PRDM1: variants seen among roughly 807,000 people sequenced by gnomAD.
The protein encoded by PRDM1 is PR/SET domain 1.
A neutral mutation model predicts 62.8 loss-of-function variants in PRDM1; 13 were observed. The ratio of observed to expected loss-of-function variants is 0.21; its 90% CI spans 0.13 to 0.33. PRDM1 has a LOEUF of 0.33. Ranked by LOEUF, PRDM1 falls within the 10% of genes least tolerant of loss-of-function variation. The pLI is 1.00. For synonymous variants in PRDM1, 396 were observed against 417.6 expected, an observed-to-expected ratio of 0.95 and a Z score of 0.63; for missense variants, 895 against 1,058.8, an observed-to-expected ratio of 0.85 and a Z score of 2.15.
chr6:106,079,974 GC>G (rs1185215074), intron 1 of PRDM1, among the ~76,000 whole-genome samples: 3 of 152,216 alleles, frequency 2.0e-5, no homozygotes, highest in African/African-American at 7.2e-5. Context: ...ACACCCAGGG[GC>G]CAAGATTGAA....
intron 2 of PRDM1, among the ~76,000 whole-genome samples, chr6:106,093,978 AT>A (rs1362929338): frequency 6.6e-6 from 1 of 152,196 alleles, no homozygotes; most frequent in Non-Finnish European, 1.5e-5. Context: ...AGAAAAAAAA[AT>A]CATTGGCTGA....
intron 1 of PRDM1, among the ~76,000 whole-genome samples, chr6:106,021,512 A>G (rs1444160917): frequency 3.3e-5 from 5 of 152,240 alleles, no homozygotes; most frequent in Non-Finnish European, 5.9e-5. Flanking sequence ...CTTAGGGCAA[A>G]GAAGAAGCTT....
chr6:106,088,681 G>T (rs1773881828), intron 2 of PRDM1, among the ~76,000 whole-genome samples: 1 of 151,980 alleles, frequency 6.6e-6, no homozygotes, highest in African/African-American at 2.4e-5. Flanking sequence ...AAATATTTTG[G>T]CAAATTGGCA....
upstream of PRDM1, among the ~76,000 whole-genome samples, chr6:105,993,170 T>C (rs1045145053): frequency 2.6e-5 from 4 of 152,226 alleles, no homozygotes; most frequent in Admixed American, 6.5e-5. Context: ...GTTTCTCTAC[T>C]GGAATCGTTA....
In PRDM1 at chr6:106,030,101, G is replaced by A. The variant is rs574566675; in HGVS notation, c.-67+36462G>A. 2.0e-5 allele frequency among the ~76,000 whole-genome samples: 3 copies of A among 151,852 alleles called. No homozygotes were observed. The South Asian group carries it at 6.3e-4, about 32-fold the overall frequency. ...TTCTTTATGTATTTTATATATTTTG[G>A]GCATAAGTCCTATGTTTGATATATC... On this transcript the variant is annotated intron_variant, in intron 1 of 6. Transcript: ENST00000652320.
In PRDM1 at chr6:106,016,608, A is replaced by G. The variant is rs566431067; in HGVS notation, c.-67+22969A>G. Among the ~76,000 whole-genome samples, 24 of 150,330 alleles carry G rather than the reference A, an allele frequency of 1.6e-4. No homozygotes were observed. The South Asian group carries it at 3.8e-3, about 24-fold the overall frequency. ...AGTTTATTCTTGAACAAGGGTTTGA[A>G]CTTTGAGGGTCCATTTATGCACAGA... On this transcript the variant is annotated intron_variant, in intron 1 of 6. Transcript: ENST00000652320.
At chr6:106,102,523 G>GC (rs1774301913) in intron 4 of PRDM1, among the ~76,000 whole-genome samples, 1 of 152,190 alleles carries the variant, frequency 6.6e-6, no homozygotes, top group Non-Finnish European at 1.5e-5. Context: ...TAGGCACTGT[G>GC]CTAAGTGTTT....
At position 106,107,420 on chromosome 6, in the gene PRDM1, C is replaced by T. The variant is rs541249769; in HGVS notation, c.2412C>T (p.Pro804=). The T allele has an allele frequency of 3.7e-6, 6 of 1,614,112 alleles. No homozygotes were observed. The South Asian group carries it at 6.6e-5, about 18-fold the overall frequency. ...ATCTACCCCTCATGAAGTTGCCTCCCAGCAACCCACTACCTCTGGTACCTG... is the reference window on the plus strand; with the variant it reads ...ATCTACCCCTCATGAAGTTGCCTCCTAGCAACCCACTACCTCTGGTACCTG... ...SSDLPLMKLP[P]SNPLPLVPVK... is the part of the protein sequence containing the mutation. Residue 804 remains proline (P), a synonymous_variant, in exon 7 of 7, where the codon CCC becomes CCT. Transcript: ENST00000369096.
At chr6:106,009,270 G>A (rs1190325555) in intron 1 of PRDM1, among the ~76,000 whole-genome samples, 3 of 152,172 alleles carry the variant, frequency 2.0e-5, no homozygotes, top group East Asian at 1.9e-4. Flanking sequence ...TTACTCGTGT[G>A]CTTCAAAGTG....
chr6:106,083,127 C>T (rs979641574), upstream of PRDM1, among the ~76,000 whole-genome samples: 7 of 151,254 alleles, frequency 4.6e-5, no homozygotes, highest in African/African-American at 1.7e-4. Context: ...CCTCAGTGCC[C>T]CTCTCTCAGG....
chr6:106,107,513 T>C lies in PRDM1; in HGVS notation c.*27T>C. 1.3e-6 allele frequency: 2 copies of C among 1,559,866 alleles called. No individual in the cohort carries two copies. Among genetic ancestry groups the C allele is most frequent in the Middle Eastern group, 1.7e-4 (1 of 5,812 alleles). ...ATTTTCAGAAAACACTTATTTTGTT[T>C]CTTAAGTTATGACTTGGTGAGTCAG... On this transcript the variant is annotated 3_prime_UTR_variant, in exon 7 of 7. Transcript: ENST00000369096.
chr6:106,019,005 C>T (rs994349137), intron 1 of PRDM1, among the ~76,000 whole-genome samples: 3 of 152,044 alleles, frequency 2.0e-5, no homozygotes, highest in Admixed American at 2.0e-4. Context: ...CACAGTGGCT[C>T]ACACCTGTAA....
chr6:106,025,056 A>G (rs1003378914), intron 1 of PRDM1, among the ~76,000 whole-genome samples: 2 of 152,160 alleles, frequency 1.3e-5, no homozygotes, highest in African/African-American at 4.8e-5. Context: ...AAAATGTAAA[A>G]TTAATGGTTT....
intron 1 of PRDM1, among the ~76,000 whole-genome samples, chr6:106,016,527 G>A (rs755898670): frequency 1.2e-3 from 189 of 151,830 alleles, no homozygotes; most frequent in Non-Finnish European, 2.1e-3. Flanking sequence ...TGACTAAATG[G>A]TAGATGGAAA....
At chr6:106,075,433 A>T (rs1773591428) in intron 1 of PRDM1, among the ~76,000 whole-genome samples, 1 of 152,214 alleles carries the variant, frequency 6.6e-6, no homozygotes, top group Non-Finnish European at 1.5e-5. Flanking sequence ...GGCATTCAGA[A>T]TAAGAACATT....
At chr6:106,053,590 C>G (rs1472609800) in intron 1 of PRDM1, among the ~76,000 whole-genome samples, 1 of 151,552 alleles carries the variant, frequency 6.6e-6, no homozygotes, top group Non-Finnish European at 1.5e-5. Context: ...TGTATTGTAT[C>G]CTGTTTGTTT....
chr6:106,101,564 A>G (rs1164962930), intron 4 of PRDM1, among the ~76,000 whole-genome samples: 3 of 152,234 alleles, frequency 2.0e-5, no homozygotes, highest in African/African-American at 7.2e-5. Flanking sequence ...TCCAATATTC[A>G]TAGTAAAGAA....
At chr6:106,033,205 T>C (rs1302733192) in intron 1 of PRDM1, among the ~76,000 whole-genome samples, 1 of 152,048 alleles carries the variant, frequency 6.6e-6, no homozygotes, top group Non-Finnish European at 1.5e-5. Context: ...AGTGGCACAA[T>C]CATAGCTCAC....
chr6:106,047,775 T>C (rs1773105106), upstream of PRDM1, among the ~76,000 whole-genome samples: 1 of 152,218 alleles, frequency 6.6e-6, no homozygotes, highest in Non-Finnish European at 1.5e-5. Flanking sequence ...CCTTTGATAG[T>C]TGTCAGTTTT....
Sources: gnomAD v4.1 joint callset for allele counts (sites outside exome capture counted in the v4.1 genomes callset) on GRCh38, gnomAD v4.1.1 for gene constraint, MANE v1.5 for transcripts, NCBI Gene and HGNC (gene_info 2026-07-23, HGNC 2026-07-21) for gene names.